Variants in SLC26A8 observed in about 807,000 individuals in gnomAD.
The protein encoded by SLC26A8 is solute carrier family 26 member 8.
A neutral mutation model predicts 105.0 loss-of-function variants in SLC26A8; 70 were observed. That is an observed-to-expected ratio of 0.67 (90% confidence interval 0.55 to 0.81). The LOEUF (loss-of-function observed/expected upper bound fraction) is 0.81. SLC26A8 is among the 40% of genes least tolerant of loss of function. The pLI is 0.00. For missense variants in SLC26A8, 998 were observed against 1,181.8 expected (o/e 0.84, Z 2.28); for synonymous variants, 415 against 438.3 (o/e 0.95, Z 0.66).
Position 35,992,575 on chromosome 6 carries a change from A to C in SLC26A8, c.727T>G (p.Ser243Ala), listed in dbSNP as rs762840908. Residue 243 changes from serine to alanine, a missense_variant, in exon 6 of 20, where the codon TCC becomes GCC. Ser to Ala is a moderately conservative substitution (Grantham distance 99, BLOSUM62 1). Transcript: ENST00000490799. ...ATCCCAAAGATGAAAGTCAGCTGGGACAGCATGATATGAAGTGCCACAGCA... is the reference window on the plus strand; with the variant it reads ...ATCCCAAAGATGAAAGTCAGCTGGGCCAGCATGATATGAAGTGCCACAGCA... The part of the protein sequence containing the change: ...LAAVALHIML[S>A]QLTFIFGIMI... The C allele has an allele frequency of 4.3e-6, 7 of 1,614,158 alleles. No homozygotes were observed. In the South Asian group the frequency reaches 7.7e-5, roughly 18 times the overall value.
chr6:35,953,544 C>T (rs1254170161), intron 17 of SLC26A8, among the ~76,000 whole-genome samples: 1 of 152,116 alleles, frequency 6.6e-6, no homozygotes, highest in Admixed American at 6.5e-5. Context: ...GCAACGTGGG[C>T]TGAATAAAAT....
At chr6:35,951,083 A>AG in intron 19 of SLC26A8, 80 bp downstream of exon 19, 3 of 1,226,844 alleles carry the variant, frequency 2.4e-6, no homozygotes, top group Non-Finnish European at 2.3e-6. Context: ...CCTGACTCCC[A>AG]GCCCCCAACC....
chr6:36,002,963 C>T (rs1761568558), intron 3 of SLC26A8, among the ~76,000 whole-genome samples: 1 of 152,136 alleles, frequency 6.6e-6, no homozygotes, highest in African/African-American at 2.4e-5. Flanking sequence ...CTCAGCCTTC[C>T]AAAGTGCTGG....
chr6:36,019,455 A>C, intron 2 of SLC26A8, 65 bp downstream of exon 2: 1 of 1,482,430 alleles, frequency 6.7e-7, no homozygotes. Context: ...ACGGACCCCA[A>C]AGGAGTCAGG....
At chr6:35,986,554 T>G (rs1773533320) in intron 7 of SLC26A8, among the ~76,000 whole-genome samples, 1 of 152,204 alleles carries the variant, frequency 6.6e-6, no homozygotes, top group Non-Finnish European at 1.5e-5. Flanking sequence ...TTCACTTCAA[T>G]GAGTTCAACC....
At chr6:35,969,064 T>C (rs970108621) in intron 10 of SLC26A8, 110 bp from the exon 11 acceptor site, 5 of 868,040 alleles carry the variant, frequency 5.8e-6, no homozygotes, top group Non-Finnish European at 9.3e-6. Flanking sequence ...TTAAAAGGAG[T>C]TGAGTTCAGT....
At chr6:36,019,037 A>T (rs762868697) in intron 2 of SLC26A8, among the ~76,000 whole-genome samples, 1 of 152,126 alleles carries the variant, frequency 6.6e-6, no homozygotes, top group African/African-American at 2.4e-5. Context: ...AGCAATTCTC[A>T]TGCCTCAGCC....
At chr6:35,968,399 C>T (rs1298791418) in intron 11 of SLC26A8, among the ~76,000 whole-genome samples, 4 of 151,466 alleles carry the variant, frequency 2.6e-5, no homozygotes, top group African/African-American at 7.3e-5. Context: ...CCCAGCTTGG[C>T]CTCCCAAAGT....
intron 10 of SLC26A8, among the ~76,000 whole-genome samples, chr6:35,972,415 G>C (rs1294052389): frequency 6.6e-6 from 1 of 151,312 alleles, no homozygotes; most frequent in African/African-American, 2.4e-5. Flanking sequence ...AAAATCATAA[G>C]GCCTCCAGAG....
chr6:35,992,867 A>T (rs1183275442), intron 5 of SLC26A8, among the ~76,000 whole-genome samples, 193 bp from the exon 6 acceptor site: 1 of 152,194 alleles, frequency 6.6e-6, no homozygotes, highest in East Asian at 1.9e-4. Flanking sequence ...AGAGGCTCCC[A>T]ACAAGTGCTA....
At chr6:35,963,120 G>A (rs563352496) in intron 11 of SLC26A8, among the ~76,000 whole-genome samples, 30 of 152,260 alleles carry the variant, frequency 2.0e-4, no homozygotes, top group South Asian at 1.2e-3. Flanking sequence ...ACAGTGAGAG[G>A]AAGAGTAACT....
Position 35,953,010 on chromosome 6 carries a change from T to A in SLC26A8, c.2233-1511A>T, listed in dbSNP as rs550011475. Among the ~76,000 whole-genome samples, 82 of 104,706 alleles carry A rather than the reference T, an allele frequency of 7.8e-4. No homozygotes were observed. In the East Asian group the frequency reaches 0.021, roughly 27 times the overall value. 68.7% of individuals were successfully genotyped at this position (104,706 alleles called of 152,430 possible). Reference sequence around the variant, plus strand: ...GCCTGGGCGACACAGCAAGATGCTGTCTCAAAAAAAAAAAAAAAAAAAAAA... The same window carrying A: ...GCCTGGGCGACACAGCAAGATGCTGACTCAAAAAAAAAAAAAAAAAAAAAA... On this transcript the variant is annotated intron_variant, in intron 17 of 19. Transcript: ENST00000490799.
chr6:35,988,206 C>A (rs1333647703), intron 7 of SLC26A8, among the ~76,000 whole-genome samples: 1 of 152,090 alleles, frequency 6.6e-6, no homozygotes, highest in Non-Finnish European at 1.5e-5. Context: ...CCACCGTGCC[C>A]GGCCCCGAAT....
chr6:35,969,342 G>A (rs1371674170), intron 10 of SLC26A8: 2 of 201,898 alleles, frequency 9.9e-6, no homozygotes, highest in East Asian at 2.7e-4. Context: ...GCTCACACCT[G>A]TAATCCTAGC....
At chr6:35,968,534 C>T (rs78753473) in intron 11 of SLC26A8, among the ~76,000 whole-genome samples, 5 of 131,516 alleles carry the variant, frequency 3.8e-5, no homozygotes, top group Non-Finnish European at 6.2e-5. Context: ...AATACTATTA[C>T]ATCTATCTAT....
chr6:35,944,495 ACTT>A (rs1771597669), intron 19 of SLC26A8, among the ~76,000 whole-genome samples, 155 bp from the exon 20 acceptor site: 1 of 149,204 alleles, frequency 6.7e-6, no homozygotes, highest in African/African-American at 2.4e-5. Flanking sequence ...ACATAGTAAA[ACTT>A]CTATCTTAAC....
intron 10 of SLC26A8, among the ~76,000 whole-genome samples, chr6:35,973,373 G>A (rs575419162): frequency 2.6e-5 from 4 of 152,072 alleles, no homozygotes; most frequent in South Asian, 2.1e-4. Context: ...CAATGTGTCC[G>A]GAAGAAGCTC....
At chr6:36,009,626 G>A (rs1045457334) in intron 3 of SLC26A8, among the ~76,000 whole-genome samples, 1 of 152,214 alleles carries the variant, frequency 6.6e-6, no homozygotes. Flanking sequence ...CCCTTTAGAT[G>A]ACTTTCTTGA....
chr6:35,978,357 G>C (rs767808930), intron 8 of SLC26A8, among the ~76,000 whole-genome samples: 1 of 152,032 alleles, frequency 6.6e-6, no homozygotes, highest in South Asian at 2.1e-4. Flanking sequence ...GATTTGGGGA[G>C]AGTGGTGTTT....
Sources: allele counts gnomAD v4.1 joint callset (sites outside exome capture counted in the v4.1 genomes callset), GRCh38; gene constraint gnomAD v4.1.1; transcripts MANE v1.5; gene names NCBI Gene and HGNC (gene_info 2026-07-23, HGNC 2026-07-21).